The following GRM1 variants were observed in gnomAD, a reference collection of about 807,000 sequenced individuals.
GRM1 encodes the protein glutamate metabotropic receptor 1, also known as metabotropic glutamate receptor 1.
A neutral mutation model predicts 90.9 loss-of-function variants in GRM1; 33 were observed. The observed-to-expected ratio is 0.36, with a 90% CI of 0.28 to 0.49. The LOEUF (loss-of-function observed/expected upper bound fraction) is 0.49. Among genes scored for constraint, GRM1 ranks in the 20% least tolerant of loss-of-function variants. GRM1 has a pLI of 0.99. For missense variants in GRM1, 1,190 were observed against 1,534.3 expected (o/e 0.78, Z 3.75); for synonymous variants, 700 against 613.2 (o/e 1.14, Z -2.09).
At chr6:146,111,558 G>T (rs1173850417) in intron 1 of GRM1, among the ~76,000 whole-genome samples, 2 of 152,194 alleles carry the variant, frequency 1.3e-5, no homozygotes, top group African/African-American at 4.8e-5. Flanking sequence ...GCCTCTCTTT[G>T]AGGAAGATGA....
At chr6:146,305,091 G>A (rs576060047) in intron 3 of GRM1, among the ~76,000 whole-genome samples, 16 of 150,854 alleles carry the variant, frequency 1.1e-4, no homozygotes, top group African/African-American at 3.9e-4. Context: ...TAAAGGAAAA[G>A]CAAACTGAGG....
At chr6:146,125,373 G>T (rs549584231) in intron 1 of GRM1, among the ~76,000 whole-genome samples, 3 of 152,016 alleles carry the variant, frequency 2.0e-5, no homozygotes, top group Admixed American at 6.6e-5. Flanking sequence ...CTTTGTGTGG[G>T]TATAGCTGGT....
intron 2 of GRM1, among the ~76,000 whole-genome samples, chr6:146,177,542 A>G (rs1414054590): frequency 6.6e-6 from 1 of 152,128 alleles, no homozygotes; most frequent in Non-Finnish European, 1.5e-5. Flanking sequence ...TCACACTAAA[A>G]TCTGATATTC....
intron 2 of GRM1, among the ~76,000 whole-genome samples, chr6:146,176,583 C>A (rs570985692): frequency 1.2e-4 from 19 of 152,126 alleles, no homozygotes; most frequent in Admixed American, 1.0e-3. Flanking sequence ...GTTCACTTGG[C>A]TCTGTCTCCT....
At chr6:146,416,749 G>T (rs1373283523) in intron 7 of GRM1, among the ~76,000 whole-genome samples, 1 of 152,068 alleles carries the variant, frequency 6.6e-6, no homozygotes, top group South Asian at 2.1e-4. Flanking sequence ...GCTATCCGGG[G>T]GTCCTGGCTG....
At chr6:146,172,310 C>T (rs1778158362) in intron 2 of GRM1, among the ~76,000 whole-genome samples, 1 of 152,130 alleles carries the variant, frequency 6.6e-6, no homozygotes, top group African/African-American at 2.4e-5. Context: ...CTTCTGTTTC[C>T]CTCTGCTACT....
chr6:146,351,771 GA>G (rs533060235), intron 3 of GRM1, among the ~76,000 whole-genome samples: 57 of 149,226 alleles, frequency 3.8e-4, no homozygotes, highest in Non-Finnish European at 7.3e-4. Flanking sequence ...CCCTAGAAAT[GA>G]AAAAAAAATA....
chr6:146,415,103 T>C (rs1380863004), intron 7 of GRM1, among the ~76,000 whole-genome samples: 1 of 152,212 alleles, frequency 6.6e-6, no homozygotes, highest in Non-Finnish European at 1.5e-5. Flanking sequence ...TAGAAGTTTA[T>C]TTTTTACAGT....
At chr6:146,342,328 G>A (rs530966379) in intron 3 of GRM1, among the ~76,000 whole-genome samples, 54 of 152,192 alleles carry the variant, frequency 3.5e-4, no homozygotes, top group Non-Finnish European at 6.8e-4. Flanking sequence ...AATGTGGAAG[G>A]TCTCTTTATA....
At chr6:146,079,863 C>T (rs1017946241) in intron 1 of GRM1, among the ~76,000 whole-genome samples, 1 of 152,064 alleles carries the variant, frequency 6.6e-6, no homozygotes, top group Non-Finnish European at 1.5e-5. Flanking sequence ...GCAAATCCAC[C>T]ATATCTCTTT....
intron 1 of GRM1, among the ~76,000 whole-genome samples, chr6:146,105,359 T>C (rs1014373492): frequency 6.6e-6 from 1 of 152,158 alleles, no homozygotes. Context: ...CCAAGGCAAA[T>C]ACCCTTAGTT....
intron 1 of GRM1, among the ~76,000 whole-genome samples, chr6:146,064,659 C>CT (rs978079687): frequency 1.5e-4 from 22 of 144,258 alleles, no homozygotes; most frequent in Admixed American, 1.4e-4. Flanking sequence ...CAGATTTGTT[C>CT]TTTTTTTTTT....
At chr6:146,110,917 GGAGA>G (rs1157531193) in intron 1 of GRM1, among the ~76,000 whole-genome samples, 1 of 152,170 alleles carries the variant, frequency 6.6e-6, no homozygotes, top group East Asian at 1.9e-4. Flanking sequence ...AAAGGAGGAA[GGAGA>G]GAGAAGGGTT....
intron 3 of GRM1, among the ~76,000 whole-genome samples, chr6:146,329,807 C>G (rs561937099): frequency 3.3e-5 from 5 of 152,306 alleles, no homozygotes; most frequent in Non-Finnish European, 7.4e-5. Flanking sequence ...CCAAAATCAC[C>G]TAACACAAAG....
intron 2 of GRM1, among the ~76,000 whole-genome samples, chr6:146,204,668 T>A (rs1313012594): frequency 6.6e-6 from 1 of 152,228 alleles, no homozygotes; most frequent in Non-Finnish European, 1.5e-5. Context: ...TAAATGTTTC[T>A]TATAAGGTTT....
rs184430563 is a variant in GRM1, at chr6:146,349,996, C to A, written c.1187-2254C>A. On this transcript the variant is annotated intron_variant, in intron 3 of 7. Coordinates refer to ENST00000282753, the MANE Select transcript of GRM1 (RefSeq NM_001278064.2). The stretch of plus-strand genomic sequence containing the variant: ...ATTTTCCTGGTTTGCCTTATTTACA[C>A]CTGTGTTCTCAAAATAATTGTTGCT... Among the ~76,000 whole-genome samples, 55 of 152,292 alleles carry A rather than the reference C, an allele frequency of 3.6e-4. 1 individual carries two copies. In the East Asian group the frequency reaches 5.6e-3, roughly 16 times the overall value.
intron 1 of GRM1, among the ~76,000 whole-genome samples, chr6:146,088,021 A>G (rs1776601719): frequency 6.6e-6 from 1 of 152,160 alleles, no homozygotes; most frequent in Non-Finnish European, 1.5e-5. Context: ...CTGCCAAACT[A>G]TTTTCCAGAG....
At chr6:146,123,329 G>T (rs1776071358) in intron 1 of GRM1, among the ~76,000 whole-genome samples, 1 of 152,176 alleles carries the variant, frequency 6.6e-6, no homozygotes, top group Admixed American at 6.5e-5. Context: ...TGCAGAGAGT[G>T]AATTTATATT....
At chr6:146,393,240 AT>A (rs1776798545) in intron 6 of GRM1, among the ~76,000 whole-genome samples, 1 of 152,100 alleles carries the variant, frequency 6.6e-6, no homozygotes, top group Non-Finnish European at 1.5e-5. Context: ...CTGGCATGAG[AT>A]GGTGTCTCGT....
Sources: gnomAD v4.1 joint callset for allele counts (sites outside exome capture counted in the v4.1 genomes callset) on GRCh38, gnomAD v4.1.1 for gene constraint, MANE v1.5 for transcripts, NCBI Gene and HGNC (gene_info 2026-07-23, HGNC 2026-07-21) for gene names.